WSCD2: variants seen among roughly 807,000 people sequenced by gnomAD.
The protein encoded by WSCD2 is WSC domain sialate O sulfotransferase 2.
Under a neutral mutation model 55.7 loss-of-function variants are expected in WSCD2, and 28 were observed. The observed-to-expected ratio is 0.50, with a 90% CI of 0.37 to 0.69. The LOEUF (loss-of-function observed/expected upper bound fraction) is 0.69, where lower values mean the gene tolerates loss of function less well. Among genes scored for constraint, WSCD2 ranks in the 30% least tolerant of loss-of-function variants. The pLI, the probability that WSCD2 is intolerant of heterozygous loss-of-function variation, is 0.00. For missense variants in WSCD2, 616 were observed against 762.1 expected (o/e 0.81, Z 2.26); for synonymous variants, 301 against 301.9 (o/e 1.00, Z 0.03).
chr12:108,199,674 A>G (rs1884410746), intron 2 of WSCD2, among the ~76,000 whole-genome samples: 1 of 152,232 alleles, frequency 6.6e-6, no homozygotes, highest in African/African-American at 2.4e-5. Flanking sequence ...AAGCATTTAC[A>G]TCTATTACAT....
chr12:108,138,703 C>T (rs1223225459), intron 1 of WSCD2, among the ~76,000 whole-genome samples: 1 of 152,260 alleles, frequency 6.6e-6, no homozygotes, highest in Non-Finnish European at 1.5e-5. Flanking sequence ...TGCCTCTTCA[C>T]ACCATCTGGG....
intron 1 of WSCD2, among the ~76,000 whole-genome samples, chr12:108,136,514 C>T (rs991975850): frequency 2.6e-5 from 4 of 152,160 alleles, no homozygotes; most frequent in Non-Finnish European, 5.9e-5. Flanking sequence ...ATCACCGTAG[C>T]TTGTGTATGC....
chr12:108,223,977 C>T (rs528834712), intron 4 of WSCD2, among the ~76,000 whole-genome samples: 127 of 152,304 alleles, frequency 8.3e-4, no homozygotes, highest in Admixed American at 6.3e-3. Flanking sequence ...TCCTGCCTCC[C>T]GCTTTCTTTC....
intron 7 of WSCD2, 124 bp from the exon 8 acceptor site, chr12:108,240,220 T>C: frequency 2.4e-6 from 3 of 1,246,644 alleles, no homozygotes; most frequent in Non-Finnish European, 3.4e-6. Context: ...AGGTGCTCAA[T>C]AAATACGCGA....
intron 1 of WSCD2, among the ~76,000 whole-genome samples, chr12:108,186,113 C>A (rs1882455169): frequency 6.6e-6 from 1 of 152,308 alleles, no homozygotes; most frequent in South Asian, 2.1e-4. Flanking sequence ...GGCCCCTTCC[C>A]CAGAGCCCAC....
chr12:108,203,899 G>T (rs750198604), intron 2 of WSCD2, among the ~76,000 whole-genome samples: 2 of 152,150 alleles, frequency 1.3e-5, no homozygotes, highest in African/African-American at 4.8e-5. Context: ...GGACAGACCT[G>T]GGCTTTAATT....
rs1249217855 is a variant in WSCD2, at chr12:108,248,913, A to G, written c.*570A>G. 1.7e-5 allele frequency: 17 copies of G among 988,084 alleles called. No individual in the cohort carries two copies. The highest frequency in any genetic ancestry group is 3.5e-5 in the African/African-American group (2 of 57,244). 61.2% of individuals were successfully genotyped at this position (988,084 alleles called of 1,614,324 possible). A position where few individuals can be genotyped will look rare whatever the true frequency, so the allele number is the denominator to read the frequency against. ...GCCTTAGGTTTCTGACATCCTGGATAGTGTGGGGAGGTAATGGTGCTCACA... is the reference window on the plus strand; with the variant it reads ...GCCTTAGGTTTCTGACATCCTGGATGGTGTGGGGAGGTAATGGTGCTCACA... On this transcript the variant is annotated 3_prime_UTR_variant, in exon 9 of 9. Coordinates refer to ENST00000547525, the MANE Select transcript of WSCD2 (RefSeq NM_014653.4). This position sits in a 1 kb window ranked among gnomAD's most constrained non-coding sequence, Gnocchi z 4.3.
At chr12:108,242,327 A>G (rs752574905) in intron 8 of WSCD2, among the ~76,000 whole-genome samples, 1 of 152,230 alleles carries the variant, frequency 6.6e-6, no homozygotes, top group Non-Finnish European at 1.5e-5. Context: ...ACATTTGTCC[A>G]GTTATTCCCA....
At chr12:108,193,229 A>G (rs56653893) in intron 1 of WSCD2, among the ~76,000 whole-genome samples, 4,088 of 152,366 alleles carry the variant, frequency 0.027, 179 homozygotes, top group African/African-American at 0.092. Flanking sequence ...AACATTAACT[A>G]TAATATTGAT....
chr12:108,226,399 C>CA (rs1471857430), intron 5 of WSCD2, among the ~76,000 whole-genome samples: 6 of 152,144 alleles, frequency 3.9e-5, no homozygotes, highest in Non-Finnish European at 2.9e-5. Context: ...AGAGCAGACT[C>CA]AGACAGCTTT....
Position 108,248,161 on chromosome 12 carries a change from C to G in WSCD2, c.1516C>G (p.Arg506Gly). 1.9e-6 allele frequency: 3 copies of G among 1,614,178 alleles called. No homozygotes were observed. The highest frequency in any genetic ancestry group is 2.5e-6 in the Non-Finnish European group (3 of 1,180,026). The change falls in exon 9 of 9, where the codon CGG (arginine) becomes GGG (glycine). Residue 506 changes from arginine (R) to glycine (G), a missense_variant. By Grantham distance (125) the Arg-to-Gly change is moderately radical. Coordinates refer to ENST00000547525, the MANE Select transcript of WSCD2 (RefSeq NM_014653.4). The surrounding 1 kb of genome is among the most constrained non-coding windows in gnomAD (Gnocchi z 4.3). ...GCTGGGCGTGGCTGTCAGGGAGGAC[C>G]GGCTGCTCTGTGTGGAGAGCCAGAA... ...SLLGVAVRED[R>G]LLCVESQKDG... is the part of the protein sequence containing the mutation.
intron 8 of WSCD2, among the ~76,000 whole-genome samples, chr12:108,241,881 A>G (rs762115835): frequency 6.6e-6 from 1 of 152,236 alleles, no homozygotes; most frequent in Non-Finnish European, 1.5e-5. Flanking sequence ...TTAGATCTTA[A>G]TAAAGCTGGG....
intron 1 of WSCD2, among the ~76,000 whole-genome samples, chr12:108,172,241 C>T (rs1880320198): frequency 6.6e-6 from 1 of 152,188 alleles, no homozygotes; most frequent in Non-Finnish European, 1.5e-5. Context: ...AGACTAGGTC[C>T]TGCCAGGGTC....
intron 2 of WSCD2, among the ~76,000 whole-genome samples, chr12:108,200,421 C>A (rs1204037657): frequency 6.6e-6 from 1 of 152,214 alleles, no homozygotes; most frequent in Non-Finnish European, 1.5e-5. Context: ...TATTCTTAAC[C>A]ACTGGACTTA....
intron 7 of WSCD2, among the ~76,000 whole-genome samples, chr12:108,235,907 C>T (rs1461904519): frequency 6.6e-6 from 1 of 152,094 alleles, no homozygotes; most frequent in South Asian, 2.1e-4. Context: ...AGCCGCTTGC[C>T]CCCCAACAGC....
chr12:108,141,849 T>C (rs983784333), intron 1 of WSCD2, among the ~76,000 whole-genome samples: 27 of 152,234 alleles, frequency 1.8e-4, no homozygotes, highest in Non-Finnish European at 3.4e-4. Context: ...TTAAGTAAAG[T>C]GGAGTTGAAT....
Position 108,234,955 on chromosome 12 carries a change from G to C in WSCD2, c.1144+2060G>C, listed in dbSNP as rs185339010. 1.8e-4 allele frequency among the ~76,000 whole-genome samples: 28 copies of C among 152,204 alleles called. No individual in the cohort carries two copies. In the East Asian group the frequency reaches 5.2e-3, roughly 28 times the overall value. ...CAAAATGCCTTAATCTAGTAGTGAC[G>C]CCTGTTGAAAGTAGAGAATGGGGAA... On this transcript the variant is annotated intron_variant, in intron 7 of 8. Coordinates refer to ENST00000547525, the MANE Select transcript of WSCD2 (RefSeq NM_014653.4).
At chr12:108,158,487 C>T (rs1878745610) in intron 1 of WSCD2, among the ~76,000 whole-genome samples, 1 of 152,130 alleles carries the variant, frequency 6.6e-6, no homozygotes, top group Non-Finnish European at 1.5e-5. Flanking sequence ...GGTCTTTACA[C>T]ACAGGGCTAC....
chr12:108,226,706 C>A (rs2137168948), intron 5 of WSCD2, among the ~76,000 whole-genome samples: 1 of 152,270 alleles, frequency 6.6e-6, no homozygotes, highest in East Asian at 1.9e-4. Context: ...TACTTGTCCA[C>A]AAGTACTATT....
Sources: gnomAD v4.1 joint callset for allele counts (sites outside exome capture counted in the v4.1 genomes callset) on GRCh38, gnomAD v4.1.1 for gene constraint, Gnocchi (gnomAD v3.1) non-coding constraint, MANE v1.5 for transcripts, NCBI Gene and HGNC (gene_info 2026-07-23, HGNC 2026-07-21) for gene names.